MEP1A: variants seen among roughly 807,000 people sequenced by gnomAD.
MEP1A encodes the protein meprin A subunit alpha.
MEP1A carries 68 observed loss-of-function variants against 84.5 expected under a neutral mutation model. That is an observed-to-expected ratio of 0.80 (90% CI 0.66 to 0.98). The LOEUF is 0.98. Ranked by LOEUF, MEP1A falls within the 50% of genes least tolerant of loss-of-function variation. MEP1A has a pLI of 0.00. For synonymous variants in MEP1A, 337 were observed against 336.8 expected, an observed-to-expected ratio of 1.00 and a Z score of -0.01; for missense variants, 887 against 919.9, an observed-to-expected ratio of 0.96 and a Z score of 0.46.
chr6:46,796,102 G>A (rs982558910), intron 3 of MEP1A, among the ~76,000 whole-genome samples: 18 of 152,150 alleles, frequency 1.2e-4, no homozygotes, highest in African/African-American at 4.3e-4. Context: ...TTTTCGATGT[G>A]TTGTCCCCAA....
At chr6:46,821,680 A>C (rs1466615395) in intron 7 of MEP1A, among the ~76,000 whole-genome samples, 1 of 152,214 alleles carries the variant, frequency 6.6e-6, no homozygotes, top group Admixed American at 6.5e-5. Flanking sequence ...TACAATACTT[A>C]ATGCTTTTAA....
intron 3 of MEP1A, among the ~76,000 whole-genome samples, chr6:46,797,780 CTTTCTTTCTTTCTCTTTCTTTCTT>C (rs1313205531): frequency 8.5e-4 from 121 of 142,734 alleles, no homozygotes; most frequent in African/African-American, 3.3e-3. Context: ...CTTTTTCTTT[CTTTCTTTCTTTCTCTTTCTTTCTT>C]TCTTTCTTTC....
chr6:46,798,557 A>G (rs1318223924), intron 3 of MEP1A, 49 bp from the exon 4 acceptor site: 9 of 1,450,030 alleles, frequency 6.2e-6, no homozygotes, highest in Non-Finnish European at 8.7e-6. Flanking sequence ...GATGCCTTTT[A>G]ATAATGTTCA....
At chr6:46,809,055 T>C (rs537165801) in intron 5 of MEP1A, among the ~76,000 whole-genome samples, 1 of 152,206 alleles carries the variant, frequency 6.6e-6, no homozygotes, top group South Asian at 2.1e-4. Flanking sequence ...TGTTCTGCCA[T>C]GTGACTCTCC....
intron 5 of MEP1A, among the ~76,000 whole-genome samples, chr6:46,807,500 C>A (rs1327843157): frequency 3.4e-5 from 4 of 118,998 alleles, no homozygotes; most frequent in African/African-American, 9.4e-5. Flanking sequence ...AAAGTGAGAC[C>A]CCCATCTGAA....
intron 5 of MEP1A, among the ~76,000 whole-genome samples, chr6:46,804,018 G>A (rs992105559): frequency 5.3e-5 from 8 of 151,578 alleles, no homozygotes; most frequent in African/African-American, 1.9e-4. Flanking sequence ...GCACTATAGT[G>A]TTAGAATTTT....
In MEP1A at chr6:46,793,512, A is replaced by G. The variant is rs371456728; in HGVS notation, c.70-40A>G. The G allele has an allele frequency of 7.6e-6, 12 of 1,583,202 alleles. No homozygotes were observed. The African/African-American group carries it at 1.6e-4, about 21-fold the overall frequency. ...TTGGATATTTAGAAATATTAATTCT[A>G]GTATACATTATCCATTTTCTGTATA... is the stretch of plus-strand genomic sequence containing the variant. On this transcript the variant is annotated intron_variant, in intron 1 of 13. Coordinates refer to ENST00000230588, the MANE Select transcript of MEP1A (RefSeq NM_005588.3).
Position 46,833,239 on chromosome 6 carries a change from C to A in MEP1A, c.1310C>A (p.Thr437Lys), listed in dbSNP as rs756011676. 6.2e-6 allele frequency: 10 copies of A among 1,613,998 alleles called. No individual in the cohort carries two copies. In the East Asian group the frequency reaches 2.0e-4, roughly 32 times the overall value. ...ACCCCCTGCCCCACAGGGGTCTGGA[C>A]AGTCCGGAATTTCTCCCAAGTCCTT... Reference protein sequence around the residue: ...TETPCPTGVWTVRNFSQVLEN... With the variant: ...TETPCPTGVWKVRNFSQVLEN... The change falls in exon 11 of 14, where the codon ACA (threonine) becomes AAA (lysine). Residue 437 changes from threonine (T) to lysine (K), a missense_variant. Thr to Lys is a moderately conservative substitution (Grantham distance 78). Coordinates refer to ENST00000230588, the MANE Select transcript of MEP1A (RefSeq NM_005588.3).
At chr6:46,828,254 AC>A (rs1422968362) in intron 9 of MEP1A, among the ~76,000 whole-genome samples, 1 of 145,618 alleles carries the variant, frequency 6.9e-6, no homozygotes, top group Non-Finnish European at 1.5e-5. Flanking sequence ...TTTTTTTCTA[AC>A]CCAGGCATTC....
chr6:46,805,092 T>C (rs1050249004), intron 5 of MEP1A, among the ~76,000 whole-genome samples: 3 of 151,914 alleles, frequency 2.0e-5, no homozygotes, highest in African/African-American at 7.2e-5. Context: ...CTTCGATTGA[T>C]GCTATGTTTT....
At chr6:46,813,639 A>G (rs900141209) in intron 6 of MEP1A, among the ~76,000 whole-genome samples, 35 of 152,006 alleles carry the variant, frequency 2.3e-4, no homozygotes, top group African/African-American at 8.5e-4. Context: ...TTATTGTTAT[A>G]TAGGTTCTGT....
rs1334784760 is a variant in MEP1A at position 46,819,768 on chromosome 6, AG to A, written c.556+65del. 8 of 1,539,116 alleles carry A rather than the reference AG, an allele frequency of 5.2e-6. No homozygotes were observed. The African/African-American group carries it at 9.5e-5, about 18-fold the overall frequency. The stretch of plus-strand genomic sequence containing the variant: ...GCTGAGACCAATCCTGAGATGACCA[AG>A]CCAAATCTGTGTGGACAGGAGCTTC... On this transcript the variant is annotated intron_variant, in intron 7 of 13. Coordinates refer to ENST00000230588, the MANE Select transcript of MEP1A (RefSeq NM_005588.3).
At chr6:46,811,717 C>T (rs1210618460) in intron 6 of MEP1A, among the ~76,000 whole-genome samples, 2 of 152,016 alleles carry the variant, frequency 1.3e-5, no homozygotes, top group Admixed American at 1.3e-4. Context: ...TTTTCTCCAT[C>T]TATTAAGATG....
intron 9 of MEP1A, among the ~76,000 whole-genome samples, chr6:46,827,883 T>C (rs144122572): frequency 1.6e-3 from 241 of 152,318 alleles, no homozygotes; most frequent in African/African-American, 5.2e-3. Context: ...AATGTTCTAG[T>C]AAGAGAAAAG....
chr6:46,843,971 A>G (rs1021940342), downstream of MEP1A, among the ~76,000 whole-genome samples: 3 of 152,352 alleles, frequency 2.0e-5, no homozygotes, highest in South Asian at 2.1e-4. Flanking sequence ...GTGCTATAAA[A>G]TGTAGGCTAA....
intron 10 of MEP1A, among the ~76,000 whole-genome samples, chr6:46,830,154 G>C (rs1032057512): frequency 6.7e-6 from 1 of 148,882 alleles, no homozygotes; most frequent in African/African-American, 2.5e-5. Context: ...AGAGGTTGAG[G>C]CAGGAGAATT....
intron 6 of MEP1A, among the ~76,000 whole-genome samples, chr6:46,817,274 G>A (rs1435463307): frequency 6.6e-6 from 1 of 152,204 alleles, no homozygotes; most frequent in African/African-American, 2.4e-5. Flanking sequence ...CATTTGCTGA[G>A]GCTGGGAATA....
intron 5 of MEP1A, among the ~76,000 whole-genome samples, chr6:46,809,044 C>T (rs1405392804): frequency 6.6e-6 from 1 of 152,084 alleles, no homozygotes; most frequent in Non-Finnish European, 1.5e-5. Flanking sequence ...CTTCTGTTTT[C>T]TGTTCTGCCA....
At chr6:46,794,125 C>T (rs1049577338) in intron 3 of MEP1A, among the ~76,000 whole-genome samples, 2 of 152,284 alleles carry the variant, frequency 1.3e-5, no homozygotes, top group African/African-American at 2.4e-5. Flanking sequence ...AACAACTCCT[C>T]GGTTGAGACT....
Sources: allele counts gnomAD v4.1 joint callset (sites outside exome capture counted in the v4.1 genomes callset), GRCh38; gene constraint gnomAD v4.1.1; transcripts MANE v1.5; gene names NCBI Gene and HGNC (gene_info 2026-07-23, HGNC 2026-07-21).